Variants in ABL1 observed in about 807,000 individuals in gnomAD.
The protein encoded by ABL1 is tyrosine-protein kinase ABL1.
ABL1 carries 11 observed loss-of-function variants against 94.7 expected under a neutral mutation model. That is an observed-to-expected ratio of 0.12 (90% CI 0.07 to 0.19). The LOEUF (loss-of-function observed/expected upper bound fraction) is 0.19, where lower values mean the gene tolerates loss of function less well. ABL1 is among the 10% of genes least tolerant of loss of function. The pLI is 1.00. For synonymous variants in ABL1, 656 were observed against 622.4 expected (o/e 1.05, Z -0.80); for missense variants, 1,082 against 1,489.4 (o/e 0.73, Z 4.50).
intron 1 of ABL1, among the ~76,000 whole-genome samples, chr9:130,822,439 CTT>C (rs35922505): frequency 1.6e-4 from 17 of 104,392 alleles, no homozygotes; most frequent in Admixed American, 5.0e-4. Flanking sequence ...CCCGCCCCTG[CTT>C]TTTTTTTTTT....
intron 1 of ABL1, among the ~76,000 whole-genome samples, chr9:130,733,498 C>A (rs2132698139): frequency 6.6e-6 from 1 of 151,504 alleles, no homozygotes; most frequent in Non-Finnish European, 1.5e-5. Context: ...AATTCCTGGG[C>A]TCAGGTGATT....
At chr9:130,788,590 A>C (rs1231747168) in intron 1 of ABL1, among the ~76,000 whole-genome samples, 1 of 152,206 alleles carries the variant, frequency 6.6e-6, no homozygotes, top group Non-Finnish European at 1.5e-5. Flanking sequence ...CCTTGGGTGT[A>C]GGATCCAGTC....
chr9:130,822,134 G>A (rs1446374660), intron 1 of ABL1, among the ~76,000 whole-genome samples: 1 of 152,068 alleles, frequency 6.6e-6, no homozygotes, highest in Non-Finnish European at 1.5e-5. Flanking sequence ...CACCATGCCT[G>A]GCAAATTTTG....
intron 1 of ABL1, among the ~76,000 whole-genome samples, chr9:130,826,938 C>T (rs1470631308): frequency 2.0e-5 from 3 of 152,098 alleles, no homozygotes; most frequent in Non-Finnish European, 2.9e-5. Context: ...ATTAGCCGGG[C>T]GTGGTGGCGG....
chr9:130,855,263 TC>T (rs1172242863), intron 3 of ABL1, among the ~76,000 whole-genome samples, 167 bp downstream of exon 3: 2 of 152,218 alleles, frequency 1.3e-5, no homozygotes, highest in African/African-American at 4.8e-5. Context: ...TTATTGAGGA[TC>T]CGTTCTGTGA....
intron 1 of ABL1, among the ~76,000 whole-genome samples, chr9:130,727,087 C>T (rs1338173341): frequency 6.6e-6 from 1 of 152,124 alleles, no homozygotes; most frequent in Admixed American, 6.5e-5. Flanking sequence ...TATAACCTGT[C>T]TTAGTGAATG....
At position 130,887,166 on chromosome 9, in the gene ABL1, A is replaced by G. The variant is rs9762; in HGVS notation, c.*1483A>G. 0.3 allele frequency: 69,901 copies of G among 232,844 alleles called. 15,314 individuals are homozygous for G. The highest frequency in any genetic ancestry group is 0.69 in the African/African-American group (31,347 of 45,334). 14.4% of individuals were successfully genotyped at this position (232,844 alleles called of 1,614,324 possible). A position where few individuals can be genotyped will look rare whatever the true frequency, so the allele number is the denominator to read the frequency against. On this transcript the variant is annotated 3_prime_UTR_variant, in exon 11 of 11. Coordinates refer to ENST00000318560, the MANE Select transcript of ABL1 (RefSeq NM_005157.6). ...TCACGCCGGGAGAAGCCACCTTCCC[A>G]CCCCTTCATACCGCCTCGTGCCAGC...
intron 1 of ABL1, among the ~76,000 whole-genome samples, chr9:130,721,571 G>A (rs182587113): frequency 2.6e-5 from 4 of 152,060 alleles, no homozygotes; most frequent in African/African-American, 9.7e-5. Flanking sequence ...TTAGCTGGGC[G>A]TGGTGGTACA....
intron 1 of ABL1, among the ~76,000 whole-genome samples, chr9:130,744,852 G>A (rs1370092874): frequency 9.0e-4 from 119 of 132,792 alleles, no homozygotes; most frequent in Non-Finnish European, 1.4e-3. Flanking sequence ...GTGAGACTCC[G>A]TCTCAAAAAA....
At chr9:130,825,271 C>A (rs1564301504) in intron 1 of ABL1, among the ~76,000 whole-genome samples, 1 of 152,138 alleles carries the variant, frequency 6.6e-6, no homozygotes, top group African/African-American at 2.4e-5. Context: ...GTTTTCTTTC[C>A]CTTTTAGCCC....
rs1335499130 is a variant in ABL1, at chr9:130,717,944, G to A, written c.136+3489G>A. ...AGGAGAATTGCTTGAACCCCGGAGCGGAGGTTGCATTGAGACGAGATCACG... is the reference window on the plus strand; with the variant it reads ...AGGAGAATTGCTTGAACCCCGGAGCAGAGGTTGCATTGAGACGAGATCACG... On this transcript the variant is annotated intron_variant, in intron 1 of 10. Coordinates refer to the ABL1 transcript ENST00000372348. Among the ~76,000 whole-genome samples the A allele has an allele frequency of 2.7e-5, 4 of 150,782 alleles. No individual in the cohort carries two copies. In the South Asian group the frequency reaches 6.3e-4, roughly 24 times the overall value.
At chr9:130,879,350 C>G (rs1831413042) in intron 8 of ABL1, among the ~76,000 whole-genome samples, 1 of 152,196 alleles carries the variant, frequency 6.6e-6, no homozygotes, top group African/African-American at 2.4e-5. Flanking sequence ...CTCTCCCTAC[C>G]TCTTATTTAT....
intron 1 of ABL1, among the ~76,000 whole-genome samples, chr9:130,717,738 G>A (rs1831461973): frequency 6.6e-6 from 1 of 151,924 alleles, no homozygotes; most frequent in African/African-American, 2.4e-5. Flanking sequence ...GCTAGGCCGG[G>A]CACAGTGGCT....
At chr9:130,819,121 A>C (rs961609028) in intron 1 of ABL1, among the ~76,000 whole-genome samples, 1 of 152,176 alleles carries the variant, frequency 6.6e-6, no homozygotes, top group Non-Finnish European at 1.5e-5. Flanking sequence ...TGGGAGGCCG[A>C]GGCGGTTAGA....
At chr9:130,817,837 C>G (rs1485106159) in intron 1 of ABL1, among the ~76,000 whole-genome samples, 1 of 152,148 alleles carries the variant, frequency 6.6e-6, no homozygotes, top group Non-Finnish European at 1.5e-5. Context: ...TTGATCCATC[C>G]ATCCACTGAA....
intron 1 of ABL1, among the ~76,000 whole-genome samples, chr9:130,767,117 A>G (rs1209027805): frequency 6.6e-6 from 1 of 152,098 alleles, no homozygotes; most frequent in Non-Finnish European, 1.5e-5. Flanking sequence ...CTCACATGAC[A>G]TCTTTTCGGA....
intron 1 of ABL1, among the ~76,000 whole-genome samples, chr9:130,787,829 G>A (rs1829851391): frequency 6.6e-6 from 1 of 152,160 alleles, no homozygotes; most frequent in South Asian, 2.1e-4. Flanking sequence ...TCTTCCTCCT[G>A]TGCTCTGTGA....
chr9:130,807,695 GTT>G (rs1201794127), intron 1 of ABL1, among the ~76,000 whole-genome samples: 9 of 73,690 alleles, frequency 1.2e-4, no homozygotes, highest in East Asian at 1.1e-3. Flanking sequence ...TATATATATA[GTT>G]TTTTTTTTTT....
intron 1 of ABL1, among the ~76,000 whole-genome samples, chr9:130,821,932 C>T (rs536028721): frequency 1.3e-5 from 2 of 151,826 alleles, no homozygotes; most frequent in East Asian, 1.9e-4. Flanking sequence ...CTCTGCCTCC[C>T]GGGTTCATGC....
Sources: gnomAD v4.1 joint callset for allele counts (sites outside exome capture counted in the v4.1 genomes callset) on GRCh38, gnomAD v4.1.1 for gene constraint, MANE v1.5 for transcripts, NCBI Gene and HGNC (gene_info 2026-07-23, HGNC 2026-07-21) for gene names.